The following CSMD1 variants were observed in gnomAD, a reference collection of about 807,000 sequenced individuals.
CSMD1 encodes the protein CUB and Sushi multiple domains 1.
A neutral mutation model predicts 417.5 loss-of-function variants in CSMD1; 213 were observed. That is an observed-to-expected ratio of 0.51 (90% CI 0.46 to 0.57). The LOEUF (loss-of-function observed/expected upper bound fraction) is 0.57, where lower values mean the gene tolerates loss of function less well. Ranked by LOEUF, CSMD1 falls within the 20% of genes least tolerant of loss-of-function variation. The pLI, the probability that CSMD1 is intolerant of heterozygous loss-of-function variation, is 0.00. For synonymous variants in CSMD1, 2,862 were observed against 1,736.8 expected (o/e 1.65, Z -16.11); for missense variants, 6,923 against 4,529.7 (o/e 1.53, Z -15.17).
At chr8:4,234,015 G>C (rs1475629422) in intron 3 of CSMD1, among the ~76,000 whole-genome samples, 1 of 151,996 alleles carries the variant, frequency 6.6e-6, no homozygotes, top group Non-Finnish European at 1.5e-5. Flanking sequence ...GAGAGGTTCT[G>C]GCATCTGGTT....
At chr8:4,165,614 G>C (rs1797413419) in intron 3 of CSMD1, among the ~76,000 whole-genome samples, 1 of 152,150 alleles carries the variant, frequency 6.6e-6, no homozygotes, top group African/African-American at 2.4e-5. Flanking sequence ...TGTTGCCCAG[G>C]CTTGGCTTGA....
chr8:3,931,214 G>A (rs1274355634), intron 5 of CSMD1, among the ~76,000 whole-genome samples: 2 of 150,526 alleles, frequency 1.3e-5, no homozygotes, highest in South Asian at 2.2e-4. Context: ...CTAAATAAAT[G>A]AGGTTCGGAG....
rs151147042 is a variant in CSMD1 at position 3,234,378 on chromosome 8, A to C, written c.4154-4147T>G. Among the ~76,000 whole-genome samples the C allele has an allele frequency of 1.9e-3, 292 of 152,264 alleles. 1 individual carries two copies. Among genetic ancestry groups the C allele is most frequent in the African/African-American group, 6.8e-3 (281 of 41,548 alleles). ...AGCCACTCAATCACACTTATTTCTT[A>C]AACACTGGCCATGATTTCTGAGACA... On this transcript the variant is annotated intron_variant, in intron 26 of 69. Transcript: ENST00000635120.
intron 3 of CSMD1, among the ~76,000 whole-genome samples, chr8:4,263,868 T>A (rs970377717): frequency 6.6e-6 from 1 of 152,234 alleles, no homozygotes; most frequent in Non-Finnish European, 1.5e-5. Context: ...ATTTGTGTTT[T>A]GACCAGAATG....
chr8:3,887,423 G>C (rs1005212988), intron 5 of CSMD1, among the ~76,000 whole-genome samples: 1 of 152,118 alleles, frequency 6.6e-6, no homozygotes. Flanking sequence ...GAAATGTATG[G>C]ACAAATTATA....
chr8:3,338,974 C>T (rs28471997), intron 23 of CSMD1, among the ~76,000 whole-genome samples: 1 of 136,340 alleles, frequency 7.3e-6, no homozygotes, highest in Admixed American at 7.4e-5. Flanking sequence ...TCCCGATGCT[C>T]TCCCTCCCCC....
intron 3 of CSMD1, among the ~76,000 whole-genome samples, chr8:4,415,513 C>A (rs540467363): frequency 4.5e-4 from 69 of 152,318 alleles, no homozygotes; most frequent in African/African-American, 1.5e-3. Flanking sequence ...TGCTCTTTCC[C>A]TTGCTCTTCC....
At chr8:3,191,544 G>T (rs972421549) in intron 33 of CSMD1, among the ~76,000 whole-genome samples, 3 of 152,158 alleles carry the variant, frequency 2.0e-5, no homozygotes, top group African/African-American at 7.2e-5. Context: ...GGCCTTCATT[G>T]TTGCAGCAAG....
At chr8:3,675,377 T>C (rs1385359989) in intron 7 of CSMD1, among the ~76,000 whole-genome samples, 1 of 152,176 alleles carries the variant, frequency 6.6e-6, no homozygotes, top group Non-Finnish European at 1.5e-5. Flanking sequence ...CTCAGCAATG[T>C]GGGCTTGGAT....
intron 12 of CSMD1, among the ~76,000 whole-genome samples, chr8:3,442,431 G>A (rs1008841223): frequency 2.0e-5 from 3 of 152,038 alleles, no homozygotes; most frequent in Non-Finnish European, 4.4e-5. Context: ...TTATACAGAT[G>A]TCCCACTTTT....
intron 3 of CSMD1, among the ~76,000 whole-genome samples, chr8:4,181,079 G>A (rs1197456614): frequency 6.6e-6 from 1 of 152,074 alleles, no homozygotes; most frequent in Non-Finnish European, 1.5e-5. Context: ...TAGGACAACA[G>A]ACCTATTGAA....
chr8:4,215,254 T>C (rs895593198), intron 3 of CSMD1, among the ~76,000 whole-genome samples: 2 of 152,220 alleles, frequency 1.3e-5, no homozygotes, highest in Non-Finnish European at 2.9e-5. Flanking sequence ...GCTTTTCTCC[T>C]GTTCATAGCC....
At chr8:4,956,261 T>G (rs188290497) in intron 1 of CSMD1, among the ~76,000 whole-genome samples, 326 of 152,050 alleles carry the variant, frequency 2.1e-3, no homozygotes, top group African/African-American at 7.5e-3. Context: ...TTTTTTAATT[T>G]AAAGTGACAG....
intron 39 of CSMD1, among the ~76,000 whole-genome samples, chr8:3,152,244 T>A (rs1017603594): frequency 6.6e-6 from 1 of 152,252 alleles, no homozygotes; most frequent in African/African-American, 2.4e-5. Context: ...TATCTGAGGT[T>A]TGACTACAAA....
At chr8:4,797,246 A>T (rs1280036302) in intron 1 of CSMD1, among the ~76,000 whole-genome samples, 2 of 152,266 alleles carry the variant, frequency 1.3e-5, no homozygotes, top group East Asian at 3.9e-4. Context: ...TTCATCCTTT[A>T]CTATGCATGG....
intron 2 of CSMD1, among the ~76,000 whole-genome samples, chr8:4,613,671 G>A (rs1392683499): frequency 6.6e-6 from 1 of 152,092 alleles, no homozygotes; most frequent in Non-Finnish European, 1.5e-5. Flanking sequence ...TGCAAAAAAT[G>A]TCAATTTTCC....
chr8:3,394,004 A>ATACAAT (rs33927495), intron 17 of CSMD1, among the ~76,000 whole-genome samples: 1 of 32,064 alleles, frequency 3.1e-5, no homozygotes, highest in Non-Finnish European at 5.5e-5. Flanking sequence ...TAATAATAAA[A>ATACAAT]AAATAAATTA....
intron 5 of CSMD1, among the ~76,000 whole-genome samples, chr8:3,977,363 C>G (rs1042559084): frequency 6.6e-6 from 1 of 152,160 alleles, no homozygotes; most frequent in Non-Finnish European, 1.5e-5. Context: ...AAGTAGAAGG[C>G]ACTCAATACA....
intron 41 of CSMD1, among the ~76,000 whole-genome samples, chr8:3,123,253 T>C (rs921010587): frequency 5.9e-5 from 9 of 152,138 alleles, no homozygotes; most frequent in Non-Finnish European, 1.3e-4. Context: ...ACCTGTCAAA[T>C]GCATAGCAAG....
Sources: allele counts gnomAD v4.1 joint callset (sites outside exome capture counted in the v4.1 genomes callset), GRCh38; gene constraint gnomAD v4.1.1; transcripts MANE v1.5; gene names NCBI Gene and HGNC (gene_info 2026-07-23, HGNC 2026-07-21).